EPHB2: variants seen among roughly 807,000 people sequenced by gnomAD.
EPHB2 encodes the protein ephrin type-B receptor 2.
A neutral mutation model predicts 96.4 loss-of-function variants in EPHB2; 18 were observed. The ratio of observed to expected loss-of-function variants is 0.19; its 90% CI spans 0.13 to 0.28. EPHB2 has a LOEUF of 0.28. Among genes scored for constraint, EPHB2 ranks in the 10% least tolerant of loss-of-function variants. EPHB2 has a pLI of 1.00. For missense variants in EPHB2, 989 were observed against 1,355.4 expected (o/e 0.73, Z 4.25); for synonymous variants, 506 against 534.1 (o/e 0.95, Z 0.72).
chr1:22,803,631 G>A (rs10917302), intron 3 of EPHB2, among the ~76,000 whole-genome samples: 1 of 4,588 alleles, frequency 2.2e-4, no homozygotes, highest in African/African-American at 1.4e-3. Flanking sequence ...ATATATATAT[G>A]TGTATATATA....
At chr1:22,716,532 G>T (rs192179506) in intron 1 of EPHB2, among the ~76,000 whole-genome samples, 9 of 152,162 alleles carry the variant, frequency 5.9e-5, no homozygotes, top group African/African-American at 1.7e-4. Context: ...CGGGGCGGGG[G>T]TTCACCATGT....
At chr1:22,866,051 A>G (rs544451033) in intron 5 of EPHB2, among the ~76,000 whole-genome samples, 33 of 152,010 alleles carry the variant, frequency 2.2e-4, no homozygotes, top group South Asian at 1.0e-3. Context: ...TACCAGGACC[A>G]CTGTCCTCAG....
rs1645655580 is a variant in EPHB2, at chr1:22,853,550, A to G, written c.812-9487A>G. ...CCCAGACCCAGCCCTGGCAGGGGAC[A>G]TCCTAGAAAAGGACCAACAGTTGAT... On this transcript the variant is annotated intron_variant, in intron 3 of 15. Coordinates refer to ENST00000374630, the MANE Select transcript of EPHB2 (RefSeq NM_017449.5). Among the ~76,000 whole-genome samples, 3 of 152,246 alleles carry G rather than the reference A, an allele frequency of 2.0e-5. No individual in the cohort carries two copies. The South Asian group carries it at 6.2e-4, about 31-fold the overall frequency.
At chr1:22,901,804 CGTGTGTGTGTGTGTGAGTGTGTGTGTGT>C (rs1314339490) in intron 9 of EPHB2, among the ~76,000 whole-genome samples, 2 of 109,228 alleles carry the variant, frequency 1.8e-5, no homozygotes, top group Non-Finnish European at 3.9e-5. Context: ...CATTTAACTT[CGTGTGTGTGTGTGTGAGTGTGTGTGTGT>C]GTGTGTGTGT....
At chr1:22,736,771 C>T (rs1256324534) in intron 1 of EPHB2, among the ~76,000 whole-genome samples, 1 of 152,142 alleles carries the variant, frequency 6.6e-6, no homozygotes, top group Non-Finnish European at 1.5e-5. Flanking sequence ...CCTTTTTTTC[C>T]CAGCGCACTG....
chr1:22,913,904 A>T lies in EPHB2; in HGVS notation c.*334A>T. ...TTGGGAGATTCATGCGATGTGTCCA[A>T]TCGGAGACAAAAGCAGTTTCTCTCC... On this transcript the variant is annotated 3_prime_UTR_variant, in exon 16 of 16. Transcript: ENST00000374630. The surrounding 1 kb of genome is among the most constrained non-coding windows in gnomAD (Gnocchi z 4.1). 6.5e-7 allele frequency: 1 copy of T among 1,535,894 alleles called. No individual in the cohort carries two copies. Among genetic ancestry groups the T allele is most frequent in the East Asian group, 2.3e-5 (1 of 43,690 alleles).
intron 1 of EPHB2, among the ~76,000 whole-genome samples, chr1:22,757,994 C>T (rs1035381805): frequency 6.8e-6 from 1 of 146,096 alleles, no homozygotes; most frequent in Non-Finnish European, 1.5e-5. Flanking sequence ...TCTCGGCTCA[C>T]TGCAAGCTCC....
intron 1 of EPHB2, among the ~76,000 whole-genome samples, chr1:22,749,977 G>A (rs1437858654): frequency 6.6e-6 from 1 of 152,164 alleles, no homozygotes; most frequent in African/African-American, 2.4e-5. Context: ...GTCATTCATT[G>A]AGTGCCAGCT....
chr1:22,880,879 A>G (rs1445107080), intron 5 of EPHB2, among the ~76,000 whole-genome samples: 1 of 152,110 alleles, frequency 6.6e-6, no homozygotes, highest in East Asian at 1.9e-4. Flanking sequence ...TGAAATAAGG[A>G]CTCAAGAACA....
At chr1:22,721,543 A>G (rs1167655887) in intron 1 of EPHB2, among the ~76,000 whole-genome samples, 2 of 151,896 alleles carry the variant, frequency 1.3e-5, no homozygotes, top group Non-Finnish European at 2.9e-5. Flanking sequence ...GGTGCTACCC[A>G]CTCCTGACCA....
chr1:22,720,838 G>A (rs972062057), intron 1 of EPHB2, among the ~76,000 whole-genome samples: 1 of 152,156 alleles, frequency 6.6e-6, no homozygotes, highest in Non-Finnish European at 1.5e-5. Context: ...TGGCAGCCTG[G>A]AGTTGTAGAT....
rs1643767603 is a variant in EPHB2, at chr1:22,733,845, G to A, written c.61+22802G>A. 6.6e-6 allele frequency among the ~76,000 whole-genome samples: 1 copy of A among 152,240 alleles called. No individual in the cohort carries two copies. Among genetic ancestry groups the A allele is most frequent in the Non-Finnish European group, 1.5e-5 (1 of 68,024 alleles). On this transcript the variant is annotated intron_variant, in intron 1 of 15. Transcript: ENST00000374630. The surrounding 1 kb of genome is among the most constrained non-coding windows in gnomAD (Gnocchi z 4.6). ...CCTGGTATGATTTGGTGGGGACAGA[G>A]CTAGAAGTTGAACCCGGGACTGGAT...
At chr1:22,765,652 C>A (rs1039411454) in intron 1 of EPHB2, among the ~76,000 whole-genome samples, 2 of 152,046 alleles carry the variant, frequency 1.3e-5, no homozygotes, top group Admixed American at 6.5e-5. Context: ...TCTCCACGAG[C>A]TTTCCGTCAC....
chr1:22,768,672 A>C (rs984580519), intron 1 of EPHB2, among the ~76,000 whole-genome samples: 20 of 151,762 alleles, frequency 1.3e-4, no homozygotes, highest in African/African-American at 4.6e-4. Flanking sequence ...CCTAGGTAAC[A>C]GAGAGAGATC....
At chr1:22,800,771 GACACACACACAC>G (rs71666873) in intron 3 of EPHB2, among the ~76,000 whole-genome samples, 3 of 148,456 alleles carry the variant, frequency 2.0e-5, no homozygotes, top group Admixed American at 6.7e-5. Context: ...GTGTGTATGT[GACACACACACAC>G]ACACACACAC....
At chr1:22,908,239 C>A (rs2124114832) in intron 12 of EPHB2, 71 bp downstream of exon 12, 3 of 1,573,246 alleles carry the variant, frequency 1.9e-6, no homozygotes, top group Admixed American at 1.7e-5. Context: ...TCTCTCCCTG[C>A]AAGACACTTT....
intron 3 of EPHB2, among the ~76,000 whole-genome samples, chr1:22,826,602 T>C (rs1297548836): frequency 6.6e-6 from 1 of 152,238 alleles, no homozygotes; most frequent in Admixed American, 6.5e-5. Context: ...TTTCCGTTTC[T>C]AAAGAGTCTG....
chr1:22,890,976 T>C (rs1639371078), intron 6 of EPHB2, among the ~76,000 whole-genome samples: 1 of 152,206 alleles, frequency 6.6e-6, no homozygotes, highest in Non-Finnish European at 1.5e-5. Context: ...TATAGCAGCA[T>C]GAGAAGGGAC....
chr1:22,840,006 C>CGTA (rs1645442369), intron 3 of EPHB2, among the ~76,000 whole-genome samples: 1 of 152,148 alleles, frequency 6.6e-6, no homozygotes, highest in Admixed American at 6.5e-5. Context: ...GGGACTTGAA[C>CGTA]GTAGCCCTGG....
Sources: gnomAD v4.1 joint callset for allele counts (sites outside exome capture counted in the v4.1 genomes callset) on GRCh38, gnomAD v4.1.1 for gene constraint, Gnocchi (gnomAD v3.1) non-coding constraint, MANE v1.5 for transcripts, NCBI Gene and HGNC (gene_info 2026-07-23, HGNC 2026-07-21) for gene names.